The following ASTN2 variants were observed in gnomAD, a reference collection of about 807,000 sequenced individuals.
The protein encoded by ASTN2 is astrotactin-2.
A neutral mutation model predicts 139.8 loss-of-function variants in ASTN2; 54 were observed. The ratio of observed to expected loss-of-function variants is 0.39; its 90% CI spans 0.31 to 0.48. ASTN2 has a LOEUF of 0.48. ASTN2 is among the 20% of genes least tolerant of loss of function. The pLI is 0.95. For missense variants in ASTN2, 1,565 were observed against 1,725.1 expected (o/e 0.91, Z 1.64); for synonymous variants, 756 against 719.5 (o/e 1.05, Z -0.81).
chr9:117,013,882 T>G (rs1004457668), intron 6 of ASTN2, among the ~76,000 whole-genome samples: 1 of 152,052 alleles, frequency 6.6e-6, no homozygotes, highest in Non-Finnish European at 1.5e-5. Flanking sequence ...CATCATGAAA[T>G]AGACCTCTGA....
At chr9:116,880,657 G>A (rs1207640425) in intron 10 of ASTN2, among the ~76,000 whole-genome samples, 3 of 152,114 alleles carry the variant, frequency 2.0e-5, no homozygotes, top group South Asian at 4.1e-4. Flanking sequence ...ATAAGATAAT[G>A]TCCCTTGTGC....
chr9:117,051,998 G>A (rs1838924378), intron 5 of ASTN2, among the ~76,000 whole-genome samples: 1 of 152,182 alleles, frequency 6.6e-6, no homozygotes, highest in African/African-American at 2.4e-5. Context: ...GTGCACAGTA[G>A]ATTATGGCAG....
intron 7 of ASTN2, among the ~76,000 whole-genome samples, chr9:116,993,458 T>TCA (rs139297526): frequency 0.014 from 2,082 of 148,266 alleles, 21 homozygotes; most frequent in East Asian, 0.031. Flanking sequence ...TCTACAGGCT[T>TCA]CACACACACA....
At chr9:116,928,886 T>C (rs73528001) in intron 10 of ASTN2, among the ~76,000 whole-genome samples, 7,605 of 152,134 alleles carry the variant, frequency 0.05, 329 homozygotes, top group African/African-American at 0.12. Flanking sequence ...GTGAACAAAA[T>C]AGGAATTCTG....
At chr9:117,129,028 TC>T (rs1477025817) in intron 4 of ASTN2, among the ~76,000 whole-genome samples, 1 of 152,142 alleles carries the variant, frequency 6.6e-6, no homozygotes, top group Non-Finnish European at 1.5e-5. Flanking sequence ...GGAGTACAAT[TC>T]AAGATGATAT....
chr9:117,255,330 C>A (rs1270348173), intron 2 of ASTN2, among the ~76,000 whole-genome samples: 1 of 152,238 alleles, frequency 6.6e-6, no homozygotes, highest in African/African-American at 2.4e-5. Flanking sequence ...ATTTCACCCT[C>A]ATTAAGGGGA....
chr9:116,852,074 T>A (rs1423720214), intron 11 of ASTN2, among the ~76,000 whole-genome samples: 1 of 152,136 alleles, frequency 6.6e-6, no homozygotes, highest in Non-Finnish European at 1.5e-5. Context: ...ATCCCCATGA[T>A]CATGGGCCTG....
chr9:117,262,693 C>A (rs529550140), intron 2 of ASTN2, among the ~76,000 whole-genome samples: 5 of 152,092 alleles, frequency 3.3e-5, no homozygotes, highest in African/African-American at 1.2e-4. Flanking sequence ...ATAGGTTACA[C>A]GGTGAGGGAG....
intron 1 of ASTN2, among the ~76,000 whole-genome samples, chr9:117,386,078 G>A (rs908861948): frequency 4.6e-5 from 7 of 152,002 alleles, no homozygotes; most frequent in African/African-American, 1.2e-4. Flanking sequence ...AAGTTGCTAA[G>A]GTTACCTTCT....
intron 10 of ASTN2, among the ~76,000 whole-genome samples, chr9:116,927,420 G>A (rs529548778): frequency 6.6e-6 from 1 of 152,302 alleles, no homozygotes; most frequent in African/African-American, 2.4e-5. Context: ...ATTACTAACA[G>A]GAAGCTGGTG....
intron 10 of ASTN2, among the ~76,000 whole-genome samples, chr9:116,891,283 A>T (rs952770013): frequency 2.0e-5 from 3 of 152,214 alleles, no homozygotes; most frequent in African/African-American, 7.2e-5. Flanking sequence ...AAAGCAGAAG[A>T]TATTTCGCTT....
chr9:116,827,313 C>CAAAAAAAAAAAAAAA (rs141242698), intron 11 of ASTN2, among the ~76,000 whole-genome samples: 1 of 79,480 alleles, frequency 1.3e-5, no homozygotes, highest in Non-Finnish European at 2.3e-5. Context: ...CCATCCCCCC[C>CAAAAAAAAAAAAAAA]AAAAAAAAAA....
chr9:117,118,084 C>T (rs747424873), intron 4 of ASTN2, among the ~76,000 whole-genome samples: 4 of 152,130 alleles, frequency 2.6e-5, no homozygotes, highest in Admixed American at 1.3e-4. Flanking sequence ...GCTCAGTAGC[C>T]GAGACCTAGG....
intron 5 of ASTN2, among the ~76,000 whole-genome samples, chr9:117,064,829 C>T (rs1042082254): frequency 2.6e-5 from 4 of 151,962 alleles, no homozygotes; most frequent in African/African-American, 9.7e-5. Context: ...TTTTGAGCTA[C>T]TCTCAAGCAC....
At chr9:117,259,661 A>C (rs1305222697) in intron 2 of ASTN2, among the ~76,000 whole-genome samples, 1 of 152,200 alleles carries the variant, frequency 6.6e-6, no homozygotes, top group Non-Finnish European at 1.5e-5. Context: ...CCTATGGCCT[A>C]GAAGTCCCTG....
In ASTN2 at chr9:116,699,812, A is replaced by G. The variant is rs1367411975; in HGVS notation, c.2806+25959T>C. 2.0e-5 allele frequency: 30 copies of G among 1,494,210 alleles called. No homozygotes were observed. Among genetic ancestry groups the G allele is most frequent in the Non-Finnish European group, 2.7e-5 (29 of 1,081,498 alleles). The allele number at this position is 1,494,210 out of a possible 1,614,324, so 92.6% of individuals were successfully genotyped here. On this transcript the variant is annotated intron_variant, in intron 16 of 22. Transcript: ENST00000313400. This position sits in a 1 kb window ranked among gnomAD's most constrained non-coding sequence, Gnocchi z 4.2. ...TAGACTCAGCCTATGTCCTGATTCC[A>G]GCTGGGTAGTTCTAGAACTTCAGAA...
At chr9:116,838,879 G>A (rs6478257) in intron 11 of ASTN2, among the ~76,000 whole-genome samples, 128,191 of 152,154 alleles carry the variant, frequency 0.84, 54,216 homozygotes, top group East Asian at 0.95. Context: ...GTGAATTGTA[G>A]AAAGGGGAAA....
In ASTN2 at chr9:116,687,348, C is replaced by A. The variant is rs1407086482; in HGVS notation, c.2807-35555G>T. 1.9e-5 allele frequency: 14 copies of A among 753,422 alleles called. No homozygotes were observed. The South Asian group carries it at 1.9e-4, about 10-fold the overall frequency. 46.7% of individuals were successfully genotyped at this position (753,422 alleles called of 1,614,324 possible). A position where few individuals can be genotyped will look rare whatever the true frequency, so the allele number is the denominator to read the frequency against. Reference sequence around the variant, plus strand: ...AGAGGGAGGCAGGCGGGTGGGCTGCCGGCGGTGGACTCGTCGGAGCCGCGG... The same window carrying A: ...AGAGGGAGGCAGGCGGGTGGGCTGCAGGCGGTGGACTCGTCGGAGCCGCGG... On this transcript the variant is annotated intron_variant, in intron 16 of 22. Coordinates refer to ENST00000313400, the MANE Select transcript of ASTN2 (RefSeq NM_001365068.1).
chr9:116,809,724 G>A lies in ASTN2; in HGVS notation c.2208-3904C>T, dbSNP rs150303206. On this transcript the variant is annotated intron_variant, in intron 12 of 22. Coordinates refer to ENST00000313400, the MANE Select transcript of ASTN2 (RefSeq NM_001365068.1). ...TCATTTTCTTTTATTTAATATATAC[G>A]TTTTGCGAGTTAACTCTGTGCTGGG... is the stretch of plus-strand genomic sequence containing the variant. 1.5e-3 allele frequency among the ~76,000 whole-genome samples: 232 copies of A among 152,102 alleles called. 2 individuals are homozygous for A. The highest frequency in any genetic ancestry group is 5.1e-3 in the African/African-American group (212 of 41,494).
Sources: gnomAD v4.1 joint callset for allele counts (sites outside exome capture counted in the v4.1 genomes callset) on GRCh38, gnomAD v4.1.1 for gene constraint, Gnocchi (gnomAD v3.1) non-coding constraint, MANE v1.5 for transcripts, NCBI Gene and HGNC (gene_info 2026-07-23, HGNC 2026-07-21) for gene names.